NAALADL2: variants seen among roughly 807,000 people sequenced by gnomAD.
NAALADL2 encodes inactive N-acetylated-alpha-linked acidic dipeptidase-like protein 2.
In NAALADL2, 76 loss-of-function variants were observed where a neutral mutation model predicts 87.2. The ratio of observed to expected loss-of-function variants is 0.87; its 90% CI spans 0.72 to 1.05. NAALADL2 has a LOEUF of 1.05. Ranked by LOEUF, NAALADL2 falls within the 50% of genes least tolerant of loss-of-function variation. The pLI is 0.00. For synonymous variants in NAALADL2, 354 were observed against 331.0 expected (o/e 1.07, Z -0.75); for missense variants, 1,089 against 945.8 (o/e 1.15, Z -1.99).
At chr3:174,876,003 A>G (rs1444733686) in intron 1 of NAALADL2, among the ~76,000 whole-genome samples, 1 of 151,670 alleles carries the variant, frequency 6.6e-6, no homozygotes, top group Admixed American at 6.6e-5. Context: ...TTTTTGAGGG[A>G]AAACTAAAAT....
chr3:175,418,667 C>T (rs144376215), intron 5 of NAALADL2, among the ~76,000 whole-genome samples: 13 of 152,128 alleles, frequency 8.5e-5, no homozygotes, highest in African/African-American at 3.1e-4. Context: ...TACATAATAG[C>T]CTAATTGGTA....
chr3:174,588,603 C>A (rs1716992333), intron 2 of NAALADL2, among the ~76,000 whole-genome samples: 1 of 152,188 alleles, frequency 6.6e-6, no homozygotes, highest in Admixed American at 6.5e-5. Context: ...ACTGTCAGGA[C>A]CCTCAGCTGC....
intron 2 of NAALADL2, among the ~76,000 whole-genome samples, chr3:174,715,234 A>T (rs139183276): frequency 6.6e-6 from 1 of 152,152 alleles, no homozygotes; most frequent in Admixed American, 6.6e-5. Flanking sequence ...TTTTTAGGCT[A>T]GTTCTTTTAG....
In NAALADL2 at chr3:175,513,199, G is replaced by C. The variant is rs147961208; in HGVS notation, c.1653+41441G>C. On this transcript the variant is annotated intron_variant, in intron 9 of 13. Coordinates refer to ENST00000454872, the MANE Select transcript of NAALADL2 (RefSeq NM_207015.3). ...TGGAACATGTTCATTAAACGTGCAG[G>C]GTACAATCCTGGAGACGAAAAGAAA... 5.9e-4 allele frequency among the ~76,000 whole-genome samples: 90 copies of C among 151,948 alleles called. 1 individual carries two copies. Among genetic ancestry groups the C allele is most frequent in the African/African-American group, 2.1e-3 (86 of 41,418 alleles).
chr3:174,993,196 A>G (rs1286019493), intron 1 of NAALADL2, among the ~76,000 whole-genome samples: 2 of 152,154 alleles, frequency 1.3e-5, no homozygotes, highest in Non-Finnish European at 2.9e-5. Flanking sequence ...ATGGAATAGT[A>G]AGAGCCGTAG....
intron 3 of NAALADL2, among the ~76,000 whole-genome samples, chr3:174,829,015 C>G (rs1222216720): frequency 1.3e-5 from 2 of 151,958 alleles, no homozygotes; most frequent in African/African-American, 4.8e-5. Context: ...TTATTGAGAG[C>G]CTATTATGAT....
At chr3:175,212,654 T>C (rs540558097) in intron 2 of NAALADL2, among the ~76,000 whole-genome samples, 31 of 152,092 alleles carry the variant, frequency 2.0e-4, no homozygotes, top group African/African-American at 5.8e-4. Context: ...CTTTCCTCCC[T>C]TTGTCTCTGT....
chr3:175,235,889 CGCTGGCCCA>C (rs1745755502), intron 3 of NAALADL2: 1 of 152,070 alleles, frequency 6.6e-6, no homozygotes, highest in Admixed American at 6.6e-5. Flanking sequence ...TGTAATAACC[CGCTGGCCCA>C]GTGGATTGAA....
intron 5 of NAALADL2, among the ~76,000 whole-genome samples, chr3:175,359,838 A>T (rs55723066): frequency 0.02 from 3,105 of 152,224 alleles, 109 homozygotes; most frequent in African/African-American, 0.071. Flanking sequence ...TTACTATAAA[A>T]CCTAGGACCA....
At chr3:175,060,242 A>C (rs1580242079) in intron 1 of NAALADL2, among the ~76,000 whole-genome samples, 1 of 152,228 alleles carries the variant, frequency 6.6e-6, no homozygotes, top group African/African-American at 2.4e-5. Flanking sequence ...CAGGGAAATC[A>C]TACTTGGATT....
chr3:174,758,647 C>T (rs1302391135), intron 3 of NAALADL2, among the ~76,000 whole-genome samples: 2 of 152,148 alleles, frequency 1.3e-5, no homozygotes, highest in Admixed American at 1.3e-4. Flanking sequence ...TTTTGCCTTA[C>T]AATCGACTGT....
chr3:175,158,244 T>C (rs900586348), intron 2 of NAALADL2, among the ~76,000 whole-genome samples: 7 of 152,082 alleles, frequency 4.6e-5, no homozygotes, highest in Non-Finnish European at 7.4e-5. Flanking sequence ...TCAGTAGGGT[T>C]ACGGATTTTT....
chr3:175,697,865 G>A lies in NAALADL2; in HGVS notation c.1897-39441G>A, dbSNP rs181614507. ...TGTATACATATATATGTGTATATAT[G>A]TATGTATACATATATATGTGTATAT... On this transcript the variant is annotated intron_variant, in intron 11 of 13. Coordinates refer to ENST00000454872, the MANE Select transcript of NAALADL2 (RefSeq NM_207015.3). 7.6e-3 allele frequency among the ~76,000 whole-genome samples: 670 copies of A among 87,878 alleles called. 9 individuals are homozygous for A. Among genetic ancestry groups the A allele is most frequent in the South Asian group, 0.011 (34 of 3,036 alleles). The allele number at this position is 87,878 out of a possible 152,430, so 57.7% of individuals were successfully genotyped here.
At chr3:174,574,946 C>T (rs1001866751) in intron 2 of NAALADL2, among the ~76,000 whole-genome samples, 51 of 151,906 alleles carry the variant, frequency 3.4e-4, no homozygotes, top group Admixed American at 9.8e-4. Flanking sequence ...TTTCCAGTTT[C>T]GGGCTGTTAT....
intron 5 of NAALADL2, among the ~76,000 whole-genome samples, chr3:175,396,555 A>C (rs1013871068): frequency 7.3e-5 from 11 of 151,598 alleles, no homozygotes; most frequent in Non-Finnish European, 1.5e-4. Flanking sequence ...TTTTCCTTGC[A>C]TTAAGTCCCA....
intron 1 of NAALADL2, among the ~76,000 whole-genome samples, chr3:174,470,529 T>A (rs1162393286): frequency 2.0e-5 from 3 of 152,136 alleles, no homozygotes; most frequent in Non-Finnish European, 2.9e-5. Flanking sequence ...GCTTTTGAAG[T>A]CTTAGTCATA....
intron 11 of NAALADL2, among the ~76,000 whole-genome samples, chr3:175,659,095 T>G (rs1161402631): frequency 2.0e-5 from 3 of 152,192 alleles, no homozygotes; most frequent in African/African-American, 7.2e-5. Flanking sequence ...CCAAAATATT[T>G]GTTGCTTTGT....
At position 174,772,608 on chromosome 3, in the gene NAALADL2, A is replaced by G. The variant is rs143341225; in HGVS notation, c.-9+34862A>G. 3.4e-3 allele frequency among the ~76,000 whole-genome samples: 517 copies of G among 152,284 alleles called. 8 individuals carry two copies. The highest frequency in any genetic ancestry group is 9.3e-3 in the South Asian group (45 of 4,828). On this transcript the variant is annotated intron_variant, in intron 3 of 3. Coordinates refer to the NAALADL2 transcript ENST00000434257. ...AGAATTAAATGGTGGTAATAATTAC[A>G]TGACTTAAAACATCATAATAACTCT...
rs963976279 is a variant in NAALADL2, at chr3:174,754,555, G to A, written c.-9+16809G>A. ...AGTTCATTGTAACCTGAAACTCTTG[G>A]GTTCAAGTGATCCTCCCACCTTGGC... On this transcript the variant is annotated intron_variant, in intron 3 of 3. Transcript: ENST00000434257. Among the ~76,000 whole-genome samples the A allele has an allele frequency of 2.7e-5, 4 of 150,738 alleles. 1 individual carries two copies. Among genetic ancestry groups the A allele is most frequent in the Non-Finnish European group, 4.4e-5 (3 of 67,864 alleles).
Sources: gnomAD v4.1 joint callset for allele counts (sites outside exome capture counted in the v4.1 genomes callset) on GRCh38, gnomAD v4.1.1 for gene constraint, MANE v1.5 for transcripts, NCBI Gene and HGNC (gene_info 2026-07-23, HGNC 2026-07-21) for gene names.